PARL: variants seen among roughly 807,000 people sequenced by gnomAD.
PARL encodes the protein presenilin associated rhomboid like.
A neutral mutation model predicts 51.6 loss-of-function variants in PARL; 44 were observed. The observed-to-expected ratio is 0.85, with a 90% CI of 0.67 to 1.10. The LOEUF is 1.10. Among genes scored for constraint, PARL ranks in the 50% least tolerant of loss-of-function variants. PARL has a pLI of 0.00. For missense variants in PARL, 441 were observed against 469.5 expected (o/e 0.94, Z 0.56); for synonymous variants, 172 against 164.0 (o/e 1.05, Z -0.37).
At chr3:183,879,734 G>T (rs140030085) in intron 1 of PARL, 1 of 973,748 alleles carries the variant, frequency 1.0e-6, no homozygotes, top group African/African-American at 1.8e-5. Flanking sequence ...TTTGGTGGGC[G>T]GGGGGAGGTC....
chr3:183,883,589 T>TC (rs1560444776), intron 1 of PARL: 1 of 985,068 alleles, frequency 1.0e-6, no homozygotes, highest in Non-Finnish European at 1.2e-6. Context: ...ATCTTTTCTT[T>TC]CCCCCTTAAA....
chr3:183,869,064 G>C (rs950279951), intron 1 of PARL, among the ~76,000 whole-genome samples: 1 of 151,910 alleles, frequency 6.6e-6, no homozygotes, highest in Non-Finnish European at 1.5e-5. Flanking sequence ...TTTAACTCCC[G>C]GTATCTTCCC....
At chr3:183,842,714 G>A (rs1293771728) in intron 5 of PARL, among the ~76,000 whole-genome samples, 4 of 148,232 alleles carry the variant, frequency 2.7e-5, no homozygotes, top group Non-Finnish European at 5.9e-5. Flanking sequence ...AGGCTGAGGC[G>A]GGAGAATCAC....
chr3:183,880,176 C>G (rs982260164), intron 1 of PARL, among the ~76,000 whole-genome samples: 17 of 152,186 alleles, frequency 1.1e-4, no homozygotes, highest in Non-Finnish European at 1.6e-4. Context: ...AAATTACTTA[C>G]CTGAATAAGT....
intron 7 of PARL, among the ~76,000 whole-genome samples, chr3:183,837,851 C>T (rs1728817430): frequency 6.6e-6 from 1 of 152,136 alleles, no homozygotes; most frequent in Admixed American, 6.6e-5. Context: ...GTGGCTCACA[C>T]CAGTAATCCC....
chr3:183,837,561 A>T (rs1310594399), intron 7 of PARL, among the ~76,000 whole-genome samples: 1 of 152,128 alleles, frequency 6.6e-6, no homozygotes, highest in Non-Finnish European at 1.5e-5. Context: ...CTCAGCTCCC[A>T]TCCCTGCCCT....
chr3:183,851,773 A>G (rs1730573935), intron 4 of PARL, among the ~76,000 whole-genome samples: 1 of 152,236 alleles, frequency 6.6e-6, no homozygotes, highest in African/African-American at 2.4e-5. Flanking sequence ...CAAATACTCA[A>G]TAAGCACATG....
At chr3:183,828,054 A>G (rs886178752), downstream of PARL, among the ~76,000 whole-genome samples, 2 of 152,136 alleles carry the variant, frequency 1.3e-5, no homozygotes, top group African/African-American at 4.8e-5. Flanking sequence ...AAAGTGAAGC[A>G]CCCTCGTGGG....
At chr3:183,827,975 G>A (rs1388014128), downstream of PARL, among the ~76,000 whole-genome samples, 3 of 152,244 alleles carry the variant, frequency 2.0e-5, no homozygotes, top group Non-Finnish European at 2.9e-5. Context: ...CAGCCCAAGA[G>A]GCCCACGGGC....
intron 1 of PARL, among the ~76,000 whole-genome samples, chr3:183,874,154 G>T (rs1733525648): frequency 6.6e-6 from 1 of 152,098 alleles, no homozygotes; most frequent in Non-Finnish European, 1.5e-5. Context: ...GGTGATTTGT[G>T]ATCAGTGACC....
At chr3:183,845,249 C>T (rs1729810314) in intron 4 of PARL, among the ~76,000 whole-genome samples, 1 of 152,282 alleles carries the variant, frequency 6.6e-6, no homozygotes, top group South Asian at 2.1e-4. Context: ...TGATCTACAT[C>T]TCGGTGTTAC....
intron 6 of PARL, among the ~76,000 whole-genome samples, chr3:183,841,031 C>T (rs111487286): frequency 0.042 from 6,384 of 152,138 alleles, 443 homozygotes; most frequent in African/African-American, 0.14. Context: ...ATCTGCTGAG[C>T]GACACGGTCA....
At chr3:183,844,466 A>G in intron 4 of PARL, 140 bp from the exon 5 acceptor site, 1 of 656,212 alleles carries the variant, frequency 1.5e-6, no homozygotes. Flanking sequence ...GCCAAAAAAA[A>G]GCAAGTGAAA....
At chr3:183,841,442 T>C (rs58618932) in intron 6 of PARL, among the ~76,000 whole-genome samples, 7,585 of 152,254 alleles carry the variant, frequency 0.05, 659 homozygotes, top group African/African-American at 0.17. Flanking sequence ...AGTCCTTTCT[T>C]TAACCCCTTG....
intron 7 of PARL, among the ~76,000 whole-genome samples, chr3:183,836,527 CAGAA>C (rs1274380048): frequency 2.0e-5 from 3 of 152,036 alleles, no homozygotes; most frequent in Admixed American, 6.5e-5. Flanking sequence ...TTTTTCGAGT[CAGAA>C]AGAAGAATTT....
intron 4 of PARL, among the ~76,000 whole-genome samples, chr3:183,855,993 C>T (rs977774290): frequency 5.3e-5 from 8 of 151,676 alleles, no homozygotes; most frequent in African/African-American, 1.9e-4. Flanking sequence ...CAAAAAAAAC[C>T]CCACAAACAA....
chr3:183,842,676 C>T (rs1729466168), intron 5 of PARL, among the ~76,000 whole-genome samples: 1 of 151,152 alleles, frequency 6.6e-6, no homozygotes, highest in South Asian at 2.1e-4. Flanking sequence ...GGTGTGGTGG[C>T]GCACGTTTGT....
At chr3:183,856,064 C>T (rs1256592242) in intron 4 of PARL, among the ~76,000 whole-genome samples, 1 of 151,928 alleles carries the variant, frequency 6.6e-6, no homozygotes, top group Non-Finnish European at 1.5e-5. Context: ...GGTACCAGTC[C>T]CTGCCCAGGG....
At chr3:183,882,278 TATATAC>T (rs1306422352) in intron 1 of PARL, among the ~76,000 whole-genome samples, 2 of 100,348 alleles carry the variant, frequency 2.0e-5, no homozygotes, top group African/African-American at 7.8e-5. Context: ...TTTATATATA[TATATAC>T]ACACACACAT....
Sources: gnomAD v4.1 joint callset for allele counts (sites outside exome capture counted in the v4.1 genomes callset) on GRCh38, gnomAD v4.1.1 for gene constraint, MANE v1.5 for transcripts, NCBI Gene and HGNC (gene_info 2026-07-23, HGNC 2026-07-21) for gene names.